Variants in PLOD1 observed in about 807,000 individuals in gnomAD.
The protein encoded by PLOD1 is lysine hydroxylase.
In PLOD1, 70 loss-of-function variants were observed where a neutral mutation model predicts 94.7. The observed-to-expected ratio is 0.74, with a 90% confidence interval of 0.61 to 0.90. The LOEUF is 0.90. Among genes scored for constraint, PLOD1 ranks in the 40% least tolerant of loss-of-function variants. The probability of loss-of-function intolerance (pLI) is 0.00; values close to 1 mark genes in which losing one functional copy is unlikely to be tolerated. For missense variants in PLOD1, 905 were observed against 972.7 expected (o/e 0.93, Z 0.93); for synonymous variants, 417 against 400.2 (o/e 1.04, Z -0.50).
chr1:11,968,281 T>A (rs945149243), intron 16 of PLOD1, among the ~76,000 whole-genome samples: 12 of 152,008 alleles, frequency 7.9e-5, no homozygotes, highest in African/African-American at 2.7e-4. Context: ...TTATTTATTT[T>A]TTTTATTTTA....
chr1:11,952,766 G>T, intron 5 of PLOD1, 31 bp downstream of exon 5: 2 of 1,497,856 alleles, frequency 1.3e-6, no homozygotes, highest in Non-Finnish European at 1.9e-6. Context: ...CAAGGAGAGG[G>T]GGCTGGGGAT....
Position 11,965,359 on chromosome 1 carries a change from G to A in PLOD1, c.1471-121G>A, listed in dbSNP as rs116282166. On this transcript the variant is annotated intron_variant, in intron 13 of 18. Transcript: ENST00000196061. ...TGACTGCACTTGGTCTCTGATATTG[G>A]GAACTTCAGTTCGGCGGGTGGAGGA... The A allele has an allele frequency of 4.9e-3, 3,382 of 693,790 alleles. 83 individuals carry two copies. The African/African-American group carries it at 0.051, about 11-fold the overall frequency. 43.0% of individuals were successfully genotyped at this position (693,790 alleles called of 1,614,324 possible).
intron 5 of PLOD1, among the ~76,000 whole-genome samples, chr1:11,953,778 G>T (rs1032321510): frequency 6.6e-5 from 10 of 151,662 alleles, no homozygotes; most frequent in African/African-American, 2.4e-4. Context: ...GGTGACAAGA[G>T]CCAGACTCCA....
intron 1 of PLOD1, among the ~76,000 whole-genome samples, chr1:11,940,253 C>T (rs942389692): frequency 1.3e-5 from 2 of 152,090 alleles, no homozygotes; most frequent in Non-Finnish European, 2.9e-5. Context: ...GAACTCAGGG[C>T]CTCAAATAAG....
chr1:11,952,576 C>T, intron 4 of PLOD1, 47 bp from the exon 5 acceptor site: 20 of 1,392,278 alleles, frequency 1.4e-5, no homozygotes, highest in Non-Finnish European at 2.0e-5. Flanking sequence ...GACTTAGAGG[C>T]TGGAAGCTAA....
At position 11,963,726 on chromosome 1, in the gene PLOD1, ATCCACCTCCTCT is replaced by A; in HGVS notation, c.1202+94_1202+105del. On this transcript the variant is annotated intron_variant, in intron 11 of 18. Coordinates refer to ENST00000196061, the MANE Select transcript of PLOD1 (RefSeq NM_000302.4). The surrounding 1 kb of genome is among the most constrained non-coding windows in gnomAD (Gnocchi z 4.3). ...CCTTGCCTTCCTCCTCCTCCTCCTC[ATCCACCTCCTCT>A]TCCTCCTCTTTTTCCTTCTCCTGCT... The A allele has an allele frequency of 1.3e-6, 1 of 758,116 alleles. No individual in the cohort carries two copies. Among genetic ancestry groups the A allele is most frequent in the South Asian group, 1.5e-5 (1 of 68,438 alleles). 47.0% of individuals were successfully genotyped at this position (758,116 alleles called of 1,614,324 possible).
intron 5 of PLOD1, 118 bp downstream of exon 5, chr1:11,952,853 C>T: frequency 1.4e-6 from 1 of 692,660 alleles, no homozygotes; most frequent in South Asian, 1.6e-5. Flanking sequence ...ATGCAGGCTG[C>T]TCTGACAAAC....
Position 11,963,466 on chromosome 1 carries a change from C to T in PLOD1, c.1098-66C>T. On this transcript the variant is annotated intron_variant, in intron 10 of 18. Transcript: ENST00000196061. The surrounding 1 kb of genome is among the most constrained non-coding windows in gnomAD (Gnocchi z 4.3). ...ATGTGGTGAAGCCAGACTGTGGTCA[C>T]AGATGTGAGCAGCCACCAGTAGCTC... 1 of 1,051,920 alleles carries T rather than the reference C, an allele frequency of 9.5e-7. No homozygotes were observed. The highest frequency in any genetic ancestry group is 1.5e-6 in the Non-Finnish European group (1 of 689,578). The allele number at this position is 1,051,920 out of a possible 1,614,324, so 65.2% of individuals were successfully genotyped here.
In PLOD1 at chr1:11,966,310, G is replaced by A; in HGVS notation, c.1644G>A (p.Val548=). 1 of 1,605,228 alleles carries A rather than the reference G, an allele frequency of 6.2e-7. No homozygotes were observed. Among genetic ancestry groups the A allele is most frequent in the Non-Finnish European group, 8.5e-7 (1 of 1,175,554 alleles). ...CCAAAGCCCTGGCAGGGAAGCTGGT[G>A]GAGACGGTAAGGGCCATGGACACCC... ...NYTKALAGKL[V]ETPCPDVYWF... The change falls in exon 15 of 19, where the codon GTG becomes GTA. Residue 548 remains valine, a synonymous_variant. Transcript: ENST00000196061.
chr1:11,942,814 C>T (rs1403782490), intron 1 of PLOD1, among the ~76,000 whole-genome samples: 1 of 152,172 alleles, frequency 6.6e-6, no homozygotes, highest in African/African-American at 2.4e-5. Flanking sequence ...CCACCTCAGA[C>T]CCCTAGCCCT....
chr1:11,974,327 C>T (rs925197714), intron 18 of PLOD1, among the ~76,000 whole-genome samples: 2 of 152,074 alleles, frequency 1.3e-5, no homozygotes, highest in Non-Finnish European at 2.9e-5. Flanking sequence ...GGATTACAGG[C>T]GTGCGCTGCT....
In PLOD1 at chr1:11,966,334, C is replaced by A. The variant is rs1408614906; in HGVS notation, c.1650+18C>A. ...TGGAGACGGTAAGGGCCATGGACAC[C>A]CTCTTGGACCAGCCTTGCCTGCTGC... On this transcript the variant is annotated intron_variant, in intron 15 of 18. Coordinates refer to ENST00000196061, the MANE Select transcript of PLOD1 (RefSeq NM_000302.4). 7 of 1,585,236 alleles carry A rather than the reference C, an allele frequency of 4.4e-6. No individual in the cohort carries two copies. The African/African-American group carries it at 8.1e-5, about 18-fold the overall frequency.
Position 11,963,746 on chromosome 1 carries a change from C to CT in PLOD1, c.1202+115dup. The CT allele has an allele frequency of 1.4e-6, 1 of 724,084 alleles. No homozygotes were observed. The allele number at this position is 724,084 out of a possible 1,614,324, so 44.9% of individuals were successfully genotyped here. ...TCCTCATCCACCTCCTCTTCCTCCT[C>CT]TTTTTCCTTCTCCTGCTCCTCTTTC... is the stretch of plus-strand genomic sequence containing the variant. On this transcript the variant is annotated intron_variant, in intron 11 of 18. Coordinates refer to ENST00000196061, the MANE Select transcript of PLOD1 (RefSeq NM_000302.4). This position sits in a 1 kb window ranked among gnomAD's most constrained non-coding sequence, Gnocchi z 4.3.
At chr1:11,947,121 T>C (rs1645661388) in intron 1 of PLOD1, among the ~76,000 whole-genome samples, 1 of 151,572 alleles carries the variant, frequency 6.6e-6, no homozygotes, top group Non-Finnish European at 1.5e-5. Context: ...ATACAAAAAT[T>C]AGCTGGGCAT....
At position 11,944,539 on chromosome 1, in the gene PLOD1, G is replaced by C. The variant is rs750942127; in HGVS notation, c.77-3437G>C. 3 of 1,348,852 alleles carry C rather than the reference G, an allele frequency of 2.2e-6. No homozygotes were observed. In the East Asian group the frequency reaches 1.4e-4, roughly 64 times the overall value. The allele number at this position is 1,348,852 out of a possible 1,614,324, so 83.6% of individuals were successfully genotyped here. ...CCCAGCAGCCCCCTGTTGCCAAGAG[G>C]GCCTCAGAGCTGGTGGCTCTGGTTC... On this transcript the variant is annotated intron_variant, in intron 1 of 18. Coordinates refer to ENST00000196061, the MANE Select transcript of PLOD1 (RefSeq NM_000302.4).
chr1:11,974,936 A>G lies in PLOD1; in HGVS notation c.*128A>G, dbSNP rs927504122. On this transcript the variant is annotated 3_prime_UTR_variant, in exon 19 of 19. Coordinates refer to ENST00000196061, the MANE Select transcript of PLOD1 (RefSeq NM_000302.4). ...GCTGTTGACTTCCCATTGCTCTTGG[A>G]GCCACCAATCAAAGAGATTCAAAGA... 74 of 889,554 alleles carry G rather than the reference A, an allele frequency of 8.3e-5. No individual in the cohort carries two copies. The highest frequency in any genetic ancestry group is 1.4e-4 in the Non-Finnish European group (71 of 522,602). 55.1% of individuals were successfully genotyped at this position (889,554 alleles called of 1,614,324 possible).
In PLOD1 at chr1:11,957,274, C is replaced by T; in HGVS notation, c.741+260C>T. 1 of 691,184 alleles carries T rather than the reference C, an allele frequency of 1.4e-6. No homozygotes were observed. Among genetic ancestry groups the T allele is most frequent in the Non-Finnish European group, 2.7e-6 (1 of 366,736 alleles). 42.8% of individuals were successfully genotyped at this position (691,184 alleles called of 1,614,324 possible). A position where few individuals can be genotyped will look rare whatever the true frequency, so the allele number is the denominator to read the frequency against. On this transcript the variant is annotated intron_variant, in intron 7 of 18. Coordinates refer to ENST00000196061, the MANE Select transcript of PLOD1 (RefSeq NM_000302.4). This position sits in a 1 kb window ranked among gnomAD's most constrained non-coding sequence, Gnocchi z 4.1. ...CCCCTTCCAGGCCTAGGCTGGGCTA[C>T]CAGAGCCATCTGCACTGTCACCCCA...
chr1:11,964,336 C>T (rs1051290680), intron 12 of PLOD1, 36 bp downstream of exon 12: 1 of 1,580,602 alleles, frequency 6.3e-7, no homozygotes, highest in Non-Finnish European at 8.7e-7. Context: ...GTGGGGGACA[C>T]CTTCATCTGG....
At chr1:11,967,658 A>ATATATT (rs531664511) in intron 16 of PLOD1, among the ~76,000 whole-genome samples, 2 of 108,994 alleles carry the variant, frequency 1.8e-5, no homozygotes, top group Non-Finnish European at 3.5e-5. Flanking sequence ...ATATATATAT[A>ATATATT]TTTTTTTTAA....
Sources: gnomAD v4.1 joint callset for allele counts (sites outside exome capture counted in the v4.1 genomes callset) on GRCh38, gnomAD v4.1.1 for gene constraint, Gnocchi (gnomAD v3.1) non-coding constraint, MANE v1.5 for transcripts, NCBI Gene and HGNC (gene_info 2026-07-23, HGNC 2026-07-21) for gene names.